Variants in LRRC4C observed in about 807,000 individuals in gnomAD.
LRRC4C encodes the protein leucine rich repeat containing 4C.
Under a neutral mutation model 33.6 loss-of-function variants are expected in LRRC4C, and 5 were observed. The ratio of observed to expected loss-of-function variants is 0.15; its 90% CI spans 0.08 to 0.31. The LOEUF (loss-of-function observed/expected upper bound fraction) is 0.31, where lower values mean the gene tolerates loss of function less well. LRRC4C is among the 10% of genes least tolerant of loss of function. LRRC4C has a pLI of 1.00. For missense variants in LRRC4C, 560 were observed against 796.7 expected, an observed-to-expected ratio of 0.70 and a Z score of 3.58; for synonymous variants, 329 against 302.0, an observed-to-expected ratio of 1.09 and a Z score of -0.93.
At chr11:40,418,966 C>T (rs1306750556) in intron 3 of LRRC4C, among the ~76,000 whole-genome samples, 1 of 151,942 alleles carries the variant, frequency 6.6e-6, no homozygotes, top group Non-Finnish European at 1.5e-5. Flanking sequence ...CACATTTGGG[C>T]CTGGTGGTCG....
chr11:41,073,057 T>TTCTA (rs1938829627), intron 1 of LRRC4C, among the ~76,000 whole-genome samples: 1 of 152,118 alleles, frequency 6.6e-6, no homozygotes, highest in Non-Finnish European at 1.5e-5. Context: ...AGATAAAATT[T>TTCTA]TTCTGGGAAC....
At chr11:41,451,204 A>G (rs1436122034) in intron 1 of LRRC4C, among the ~76,000 whole-genome samples, 1 of 152,188 alleles carries the variant, frequency 6.6e-6, no homozygotes, top group Non-Finnish European at 1.5e-5. Context: ...AAAAGAATGT[A>G]CTGTTACCCA....
At chr11:40,975,263 C>T (rs1332954093) in intron 1 of LRRC4C, among the ~76,000 whole-genome samples, 2 of 152,248 alleles carry the variant, frequency 1.3e-5, no homozygotes, top group Admixed American at 1.3e-4. Flanking sequence ...TAACCCAAGC[C>T]AAGGAACACG....
Position 40,689,005 on chromosome 11 carries a change from C to G in LRRC4C, c.-406-40727G>C, listed in dbSNP as rs34492154. ...ACCTAAGGCTATTCCAGTTGGAAAA[C>G]AGCGGATGAGGATACTTTTCTTGTA... is the stretch of plus-strand genomic sequence containing the variant. On this transcript the variant is annotated intron_variant, in intron 2 of 6. Coordinates refer to ENST00000528697, the MANE Select transcript of LRRC4C (RefSeq NM_001258419.2). 6.5e-3 allele frequency among the ~76,000 whole-genome samples: 985 copies of G among 152,076 alleles called. 9 individuals are homozygous for G. Among genetic ancestry groups the G allele is most frequent in the Non-Finnish European group, 9.7e-3 (660 of 67,966 alleles).
At chr11:41,120,615 C>A (rs1018357327) in intron 1 of LRRC4C, among the ~76,000 whole-genome samples, 5 of 152,148 alleles carry the variant, frequency 3.3e-5, no homozygotes, top group African/African-American at 1.2e-4. Flanking sequence ...AACAGGCTAC[C>A]TAGTCTTTTC....
intron 3 of LRRC4C, among the ~76,000 whole-genome samples, chr11:40,468,872 T>G (rs1424943714): frequency 6.6e-6 from 1 of 152,208 alleles, no homozygotes; most frequent in East Asian, 1.9e-4. Flanking sequence ...TAGGCTGTAT[T>G]CTAATAACTT....
intron 1 of LRRC4C, among the ~76,000 whole-genome samples, chr11:40,959,747 T>C (rs909214115): frequency 6.6e-6 from 1 of 151,712 alleles, no homozygotes; most frequent in Admixed American, 6.6e-5. Context: ...CAAAAGTGTG[T>C]CATGTTCAAT....
intron 2 of LRRC4C, among the ~76,000 whole-genome samples, chr11:40,913,225 C>A (rs1336449216): frequency 6.6e-6 from 1 of 152,108 alleles, no homozygotes; most frequent in Admixed American, 6.5e-5. Flanking sequence ...ACTCTCAACC[C>A]CAAATCAACA....
chr11:40,405,207 G>T (rs978571074), intron 3 of LRRC4C, among the ~76,000 whole-genome samples: 12 of 151,572 alleles, frequency 7.9e-5, no homozygotes, highest in African/African-American at 2.2e-4. Context: ...CTGTGTCTGG[G>T]TTATGTCACT....
At chr11:40,662,944 A>G (rs1196840779) in intron 2 of LRRC4C, among the ~76,000 whole-genome samples, 3 of 152,236 alleles carry the variant, frequency 2.0e-5, no homozygotes, top group Non-Finnish European at 4.4e-5. Context: ...TGGTTGGTAG[A>G]AATCATCATA....
intron 3 of LRRC4C, among the ~76,000 whole-genome samples, chr11:40,382,325 T>C (rs1948914069): frequency 6.6e-6 from 1 of 151,540 alleles, no homozygotes; most frequent in Non-Finnish European, 1.5e-5. Flanking sequence ...TTATTTAAAA[T>C]TGTAATTATT....
At chr11:40,269,741 G>A (rs777606470) in intron 4 of LRRC4C, among the ~76,000 whole-genome samples, 1 of 129,672 alleles carries the variant, frequency 7.7e-6, no homozygotes, top group Admixed American at 9.2e-5. Flanking sequence ...TACTTCAAGG[G>A]ATATACATTT....
Position 40,218,578 on chromosome 11 carries a change from C to CTATG in LRRC4C, c.-96+22937_-96+22940dup, listed in dbSNP as rs71060947. ...AATTGTGAAACTTGAGATGAAGAAT[C>CTATG]TATGTATGTATGTATGTATGTATGT... On this transcript the variant is annotated intron_variant, in intron 5 of 6. Transcript: ENST00000528697. Among the ~76,000 whole-genome samples, 174 of 115,582 alleles carry CTATG rather than the reference C, an allele frequency of 1.5e-3. 1 individual carries two copies. The highest frequency in any genetic ancestry group is 5.4e-3 in the African/African-American group (169 of 31,492). 75.8% of individuals were successfully genotyped at this position (115,582 alleles called of 152,430 possible).
intron 4 of LRRC4C, among the ~76,000 whole-genome samples, chr11:40,317,567 T>C (rs1945636758): frequency 6.6e-6 from 1 of 152,088 alleles, no homozygotes. Flanking sequence ...TGTGATCATA[T>C]TTCCTGAAAC....
chr11:40,808,622 C>T (rs555711175), intron 2 of LRRC4C, among the ~76,000 whole-genome samples: 41 of 152,256 alleles, frequency 2.7e-4, no homozygotes, highest in African/African-American at 9.6e-4. Context: ...CATGGAACTG[C>T]CCTGACTTGC....
At chr11:40,306,329 A>G (rs577010086) in intron 4 of LRRC4C, among the ~76,000 whole-genome samples, 1 of 152,228 alleles carries the variant, frequency 6.6e-6, no homozygotes, top group African/African-American at 2.4e-5. Flanking sequence ...TCCGTGTCTC[A>G]GTTTGTCTGT....
intron 5 of LRRC4C, among the ~76,000 whole-genome samples, chr11:40,170,608 C>A (rs1353828111): frequency 1.3e-5 from 2 of 152,034 alleles, no homozygotes; most frequent in African/African-American, 2.4e-5. Context: ...TAGGGTACAA[C>A]AAAAAGAATG....
chr11:40,814,952 CT>C (rs1269623358), intron 2 of LRRC4C, among the ~76,000 whole-genome samples: 1 of 152,130 alleles, frequency 6.6e-6, no homozygotes, highest in Non-Finnish European at 1.5e-5. Context: ...TTTCTGTCCT[CT>C]TCTGAGAACT....
At chr11:40,214,409 T>C (rs1046269910) in intron 5 of LRRC4C, among the ~76,000 whole-genome samples, 46 of 152,304 alleles carry the variant, frequency 3.0e-4, no homozygotes, top group African/African-American at 1.1e-3. Context: ...AGAAACTGGA[T>C]TTGTGAGCCC....
Sources: gnomAD v4.1 joint callset for allele counts (sites outside exome capture counted in the v4.1 genomes callset) on GRCh38, gnomAD v4.1.1 for gene constraint, MANE v1.5 for transcripts, NCBI Gene and HGNC (gene_info 2026-07-23, HGNC 2026-07-21) for gene names.